ADAM12: variants seen among roughly 807,000 people sequenced by gnomAD.
ADAM12 encodes ADAM metallopeptidase domain 12, also known as disintegrin and metalloproteinase domain-containing protein 12.
ADAM12 carries 70 observed loss-of-function variants against 106.4 expected under a neutral mutation model. The ratio of observed to expected loss-of-function variants is 0.66; its 90% CI spans 0.54 to 0.80. The LOEUF (loss-of-function observed/expected upper bound fraction) is 0.80. ADAM12 is among the 30% of genes least tolerant of loss of function. ADAM12 has a pLI of 0.00. For missense variants in ADAM12, 1,010 were observed against 1,171.9 expected, an observed-to-expected ratio of 0.86 and a Z score of 2.02; for synonymous variants, 420 against 433.5, an observed-to-expected ratio of 0.97 and a Z score of 0.39.
intron 3 of ADAM12, among the ~76,000 whole-genome samples, chr10:126,197,561 G>A (rs1420012434): frequency 3.3e-5 from 5 of 152,178 alleles, no homozygotes; most frequent in Non-Finnish European, 7.3e-5. Context: ...GCACAAAGAT[G>A]GAATGGAAGT....
chr10:126,165,617 C>T (rs1957010802), intron 3 of ADAM12, among the ~76,000 whole-genome samples: 1 of 152,214 alleles, frequency 6.6e-6, no homozygotes, highest in Non-Finnish European at 1.5e-5. Context: ...CTAAACTTGA[C>T]TCTATTTAGC....
intron 3 of ADAM12, among the ~76,000 whole-genome samples, chr10:126,275,798 GT>G (rs891896644): frequency 6.6e-6 from 1 of 151,920 alleles, no homozygotes; most frequent in Non-Finnish European, 1.5e-5. Flanking sequence ...TTTTACAATA[GT>G]TTTTTTCCTT....
intron 3 of ADAM12, among the ~76,000 whole-genome samples, chr10:126,243,151 G>A (rs1004723189): frequency 2.6e-5 from 4 of 152,330 alleles, no homozygotes; most frequent in African/African-American, 4.8e-5. Context: ...GTTCCTGGGC[G>A]TGCAGCTGCT....
At chr10:126,108,709 A>G in intron 7 of ADAM12, 45 bp from the exon 8 acceptor site, 1 of 1,505,538 alleles carries the variant, frequency 6.6e-7, no homozygotes, top group Non-Finnish European at 9.2e-7. Context: ...AAGAATATCA[A>G]TCACGTTTCA....
intron 3 of ADAM12, among the ~76,000 whole-genome samples, chr10:126,158,354 G>GA (rs762410103): frequency 5.1e-3 from 353 of 69,716 alleles, no homozygotes; most frequent in Middle Eastern, 8.5e-3. Context: ...CAGAGCATGA[G>GA]GGATGCACAG....
chr10:126,301,884 CAT>C (rs1458958455), intron 2 of ADAM12, among the ~76,000 whole-genome samples: 2 of 152,206 alleles, frequency 1.3e-5, no homozygotes, highest in African/African-American at 4.8e-5. Context: ...CTCCTTAAAT[CAT>C]AATTTATACT....
At chr10:126,081,661 C>T (rs1021111969) in intron 11 of ADAM12, among the ~76,000 whole-genome samples, 5 of 152,276 alleles carry the variant, frequency 3.3e-5, no homozygotes, top group Admixed American at 1.3e-4. Context: ...CCTCTGTTTT[C>T]ACATCTATAA....
chr10:126,355,346 A>G (rs1254882968), intron 1 of ADAM12, among the ~76,000 whole-genome samples: 1 of 152,248 alleles, frequency 6.6e-6, no homozygotes, highest in Non-Finnish European at 1.5e-5. Context: ...ACAAGGGGAA[A>G]GATAAATTGT....
chr10:126,366,778 C>T (rs1855926855), intron 1 of ADAM12, among the ~76,000 whole-genome samples: 2 of 151,954 alleles, frequency 1.3e-5, no homozygotes, highest in South Asian at 4.2e-4. Context: ...GCTGAGGTGG[C>T]CATATCAATG....
intron 8 of ADAM12, among the ~76,000 whole-genome samples, chr10:126,105,736 G>A (rs56206822): frequency 1.9e-3 from 285 of 152,332 alleles, no homozygotes; most frequent in Admixed American, 4.1e-3. Flanking sequence ...TCTAACTGCC[G>A]TGCTATCTTT....
rs140629709 is a variant in ADAM12 at position 126,155,309 on chromosome 10, C to T, written c.261-4G>A. On this transcript the variant is annotated splice_polypyrimidine_tract_variant and splice_region_variant and intron_variant, in intron 3 of 22. Coordinates refer to ENST00000448723, the MANE Select transcript of ADAM12 (RefSeq NM_001288973.2). ...GAAACTGCTGGCAATGAGACCTCTG[C>T]GGAAAAACAAAAACACCATAAAAAG... 198 of 1,612,562 alleles carry T rather than the reference C, an allele frequency of 1.2e-4. No homozygotes were observed. In the East Asian group the frequency reaches 2.1e-3, roughly 17 times the overall value.
At position 126,088,003 on chromosome 10, in the gene ADAM12, T is replaced by C. The variant is rs114196017; in HGVS notation, c.1145+5982A>G. Among the ~76,000 whole-genome samples, 1,406 of 152,344 alleles carry C rather than the reference T, an allele frequency of 9.2e-3. 31 individuals are homozygous for C. Among genetic ancestry groups the C allele is most frequent in the African/African-American group, 0.032 (1,316 of 41,578 alleles). On this transcript the variant is annotated intron_variant, in intron 11 of 22. Transcript: ENST00000448723. ...GGACTCTATTCCAGGATATCTTTTC[T>C]GCCTGCTGCCTCTTCTAACCTTTGC...
intron 3 of ADAM12, among the ~76,000 whole-genome samples, chr10:126,177,900 A>AACGTGTC (rs1269130550): frequency 1.3e-5 from 2 of 152,244 alleles, no homozygotes; most frequent in African/African-American, 4.8e-5. Flanking sequence ...TGGAGCGAGC[A>AACGTGTC]ACGTGTCACT....
intron 11 of ADAM12, among the ~76,000 whole-genome samples, chr10:126,079,574 C>T (rs1407275677): frequency 6.6e-6 from 1 of 152,164 alleles, no homozygotes; most frequent in Non-Finnish European, 1.5e-5. Context: ...GCTATCTGCT[C>T]ATCTGTTAAT....
At chr10:126,086,680 A>AAATATATATATATAT (rs1554966976) in intron 11 of ADAM12, among the ~76,000 whole-genome samples, 1 of 24,272 alleles carries the variant, frequency 4.1e-5, no homozygotes, top group Non-Finnish European at 5.9e-5. Context: ...AAAAAAAAAA[A>AAATATATATATATAT]ATATATATAT....
At chr10:126,363,334 C>T (rs1259529765) in intron 1 of ADAM12, among the ~76,000 whole-genome samples, 1 of 151,890 alleles carries the variant, frequency 6.6e-6, no homozygotes, top group Non-Finnish European at 1.5e-5. Context: ...TTTTTAAAGC[C>T]CCAATGTGAC....
chr10:126,259,903 C>T (rs1275573439), intron 3 of ADAM12, among the ~76,000 whole-genome samples: 1 of 152,122 alleles, frequency 6.6e-6, no homozygotes, highest in African/African-American at 2.4e-5. Context: ...GCATATATGA[C>T]AGTGATGAGT....
Position 126,172,331 on chromosome 10 carries a change from TG to T in ADAM12, c.261-17027del, listed in dbSNP as rs1301190832. 5.3e-5 allele frequency among the ~76,000 whole-genome samples: 8 copies of T among 152,320 alleles called. No homozygotes were observed. The East Asian group carries it at 1.3e-3, about 26-fold the overall frequency. ...TTGTTTGACCTGGAACTTCAGACTC[TG>T]GTTATTAGAGGGTCCTGAGGAATCA... is the stretch of plus-strand genomic sequence containing the variant. On this transcript the variant is annotated intron_variant, in intron 3 of 22. Transcript: ENST00000448723.
At chr10:126,225,310 TA>T (rs1958171632) in intron 3 of ADAM12, among the ~76,000 whole-genome samples, 1 of 152,308 alleles carries the variant, frequency 6.6e-6, no homozygotes, top group African/African-American at 2.4e-5. Flanking sequence ...AAGGAGTTAT[TA>T]AAAAATATGT....
Sources: allele counts gnomAD v4.1 joint callset (sites outside exome capture counted in the v4.1 genomes callset), GRCh38; gene constraint gnomAD v4.1.1; transcripts MANE v1.5; gene names NCBI Gene and HGNC (gene_info 2026-07-23, HGNC 2026-07-21).